Variants in GREB1L observed in about 807,000 individuals in gnomAD.
The protein encoded by GREB1L is GREB1 like retinoic acid receptor coactivator.
GREB1L carries 17 observed loss-of-function variants against 200.8 expected under a neutral mutation model. That is an observed-to-expected ratio of 0.08 (90% CI 0.06 to 0.13). The LOEUF (loss-of-function observed/expected upper bound fraction) is 0.13, where lower values mean the gene tolerates loss of function less well. Ranked by LOEUF, GREB1L falls within the 10% of genes least tolerant of loss-of-function variation. GREB1L has a pLI of 1.00. For synonymous variants in GREB1L, 789 were observed against 893.0 expected (o/e 0.88, Z 2.08); for missense variants, 1,657 against 2,367.7 (o/e 0.70, Z 6.23).
intron 4 of GREB1L, among the ~76,000 whole-genome samples, chr18:21,388,703 C>G (rs2040654786): frequency 6.6e-6 from 1 of 151,812 alleles, no homozygotes; most frequent in Non-Finnish European, 1.5e-5. Flanking sequence ...CATCACCACG[C>G]CCCGCTAATT....
chr18:21,457,083 T>C (rs1168233719), intron 15 of GREB1L, among the ~76,000 whole-genome samples: 4 of 152,218 alleles, frequency 2.6e-5, no homozygotes, highest in African/African-American at 9.6e-5. Flanking sequence ...AACCTCTCAG[T>C]GACCTGCACT....
intron 1 of GREB1L, among the ~76,000 whole-genome samples, chr18:21,243,730 GA>G (rs1156842353): frequency 1.3e-5 from 2 of 152,122 alleles, no homozygotes; most frequent in Non-Finnish European, 2.9e-5. Context: ...GAATGATACT[GA>G]AAAATTATTT....
chr18:21,434,900 G>T (rs1170508447), intron 7 of GREB1L: 23 of 152,458 alleles, frequency 1.5e-4, no homozygotes, highest in Admixed American at 1.2e-3. Flanking sequence ...CTTCCTTCCT[G>T]CATATATAAA....
At chr18:21,393,126 A>G (rs1264478710) in intron 4 of GREB1L, among the ~76,000 whole-genome samples, 1 of 152,190 alleles carries the variant, frequency 6.6e-6, no homozygotes, top group Non-Finnish European at 1.5e-5. Context: ...AGTAACTGAT[A>G]GCATTCAATT....
At chr18:21,278,399 AATAAATAAAT>A (rs1567919424) in intron 1 of GREB1L, among the ~76,000 whole-genome samples, 9 of 137,996 alleles carry the variant, frequency 6.5e-5, no homozygotes, top group African/African-American at 2.2e-4. Context: ...AAAATAAATA[AATAAATAAAT>A]AAATAAATAA....
At chr18:21,434,547 A>ATATATGTGTG (rs2033409818) in intron 7 of GREB1L, among the ~76,000 whole-genome samples, 1 of 142,898 alleles carries the variant, frequency 7.0e-6, no homozygotes, top group African/African-American at 2.8e-5. Context: ...ATATGTGTAT[A>ATATATGTGTG]TATATGTGTG....
intron 19 of GREB1L, among the ~76,000 whole-genome samples, chr18:21,490,579 G>A (rs1045754179): frequency 7.1e-6 from 1 of 140,508 alleles, no homozygotes; most frequent in African/African-American, 2.4e-5. Context: ...GGTCTTCCAT[G>A]CTCTCCAACT....
rs1267946517 is a variant in GREB1L, at chr18:21,393,419, C to T, written c.356-1966C>T. Among the ~76,000 whole-genome samples, 4 of 151,782 alleles carry T rather than the reference C, an allele frequency of 2.6e-5. No individual in the cohort carries two copies. In the East Asian group the frequency reaches 7.7e-4, roughly 29 times the overall value. On this transcript the variant is annotated intron_variant, in intron 4 of 32. Coordinates refer to ENST00000424526, the MANE Select transcript of GREB1L (RefSeq NM_001142966.3). ...TCAAGTGATTCCCCTGCCTCAGCCT[C>T]CCAAGTAGCTGGGATTACATGCATG...
At chr18:21,475,135 A>G (rs62089245) in intron 16 of GREB1L, among the ~76,000 whole-genome samples, 10,982 of 152,222 alleles carry the variant, frequency 0.072, 504 homozygotes, top group Non-Finnish European at 0.1. Flanking sequence ...GACAGCAATA[A>G]GGAGGTTAAG....
chr18:21,318,001 C>T (rs752500962), intron 1 of GREB1L, among the ~76,000 whole-genome samples: 12 of 151,034 alleles, frequency 7.9e-5, no homozygotes, highest in Admixed American at 7.9e-4. Flanking sequence ...CCAGCTACTC[C>T]GGAGGCTGAA....
intron 1 of GREB1L, among the ~76,000 whole-genome samples, chr18:21,248,937 G>A (rs1403380843): frequency 6.6e-6 from 1 of 151,734 alleles, no homozygotes; most frequent in African/African-American, 2.4e-5. Flanking sequence ...CTTTGATTTG[G>A]AAATTTCCCT....
At chr18:21,349,366 C>T (rs2039400735) in intron 1 of GREB1L, among the ~76,000 whole-genome samples, 1 of 152,152 alleles carries the variant, frequency 6.6e-6, no homozygotes, top group African/African-American at 2.4e-5. Context: ...ACTCAATCTC[C>T]ATCCCCCAAA....
chr18:21,266,608 T>A (rs2037972201), intron 1 of GREB1L, among the ~76,000 whole-genome samples: 7 of 152,342 alleles, frequency 4.6e-5, no homozygotes, highest in Admixed American at 2.6e-4. Context: ...CTATTTCTTT[T>A]AAAAACACAT....
At chr18:21,430,500 T>C (rs567174818) in intron 7 of GREB1L, among the ~76,000 whole-genome samples, 2 of 151,806 alleles carry the variant, frequency 1.3e-5, no homozygotes, top group Non-Finnish European at 2.9e-5. Context: ...TTCTTCTTCT[T>C]TCTTTGGGTT....
chr18:21,511,956 T>G (rs995741448), intron 27 of GREB1L, among the ~76,000 whole-genome samples: 2 of 152,228 alleles, frequency 1.3e-5, no homozygotes, highest in African/African-American at 4.8e-5. Context: ...CCAACTGTGT[T>G]TGTTGACAAG....
At chr18:21,383,950 G>A (rs1598732026) in intron 3 of GREB1L, among the ~76,000 whole-genome samples, 2 of 152,068 alleles carry the variant, frequency 1.3e-5, no homozygotes, top group East Asian at 3.9e-4. Context: ...TCCTGACCTC[G>A]TGATCCGCCC....
At chr18:21,515,275 C>G in intron 28 of GREB1L, 142 bp from the exon 29 acceptor site, 2 of 657,834 alleles carry the variant, frequency 3.0e-6, no homozygotes, top group South Asian at 4.0e-5. Flanking sequence ...GCTTGACATT[C>G]TTCTCCATTT....
rs1260796435 is a variant in GREB1L, at chr18:21,485,616, C to G, written c.2557-4C>G. ...TTGGGTTTTTGCTCTGTATTTTGAA[C>G]CAGGAGGACGTGGGCTGCGAGGAGA... On this transcript the variant is annotated splice_region_variant and splice_polypyrimidine_tract_variant and intron_variant, in intron 17 of 32. Coordinates refer to ENST00000424526, the MANE Select transcript of GREB1L (RefSeq NM_001142966.3). 2.6e-6 allele frequency: 4 copies of G among 1,550,302 alleles called. No homozygotes were observed. In the Admixed American group the frequency reaches 7.9e-5, roughly 30 times the overall value.
chr18:21,446,791 G>A (rs567119909), intron 11 of GREB1L, among the ~76,000 whole-genome samples: 1 of 152,244 alleles, frequency 6.6e-6, no homozygotes, highest in South Asian at 2.1e-4. Flanking sequence ...TACTTCAGCG[G>A]CTCAGTTACT....
Sources: allele counts gnomAD v4.1 joint callset (sites outside exome capture counted in the v4.1 genomes callset), GRCh38; gene constraint gnomAD v4.1.1; transcripts MANE v1.5; gene names NCBI Gene and HGNC (gene_info 2026-07-23, HGNC 2026-07-21).